NEDD4: variants seen among roughly 807,000 people sequenced by gnomAD.
NEDD4 encodes E3 ubiquitin-protein ligase NEDD4.
Under a neutral mutation model 144.9 loss-of-function variants are expected in NEDD4, and 99 were observed. The ratio of observed to expected loss-of-function variants is 0.68; its 90% CI spans 0.58 to 0.81. The LOEUF is 0.81. Ranked by LOEUF, NEDD4 falls within the 30% of genes least tolerant of loss-of-function variation. The probability of loss-of-function intolerance (pLI) is 0.00; values close to 1 mark genes in which losing one functional copy is unlikely to be tolerated. For missense variants in NEDD4, 985 were observed against 1,065.9 expected (o/e 0.92, Z 1.06); for synonymous variants, 318 against 350.6 (o/e 0.91, Z 1.04).
chr15:55,947,285 A>G (rs2037134038), intron 4 of NEDD4, among the ~76,000 whole-genome samples: 1 of 152,148 alleles, frequency 6.6e-6, no homozygotes, highest in African/African-American at 2.4e-5. Flanking sequence ...AAGAAAAGAG[A>G]GAAGAATCAA....
chr15:55,864,816 T>A (rs2034530242), intron 8 of NEDD4, among the ~76,000 whole-genome samples: 2 of 152,014 alleles, frequency 1.3e-5, no homozygotes, highest in South Asian at 4.2e-4. Flanking sequence ...TAAAAACACA[T>A]TATAAATGAC....
intron 5 of NEDD4, among the ~76,000 whole-genome samples, chr15:55,894,134 G>A (rs987858569): frequency 1.3e-5 from 2 of 152,018 alleles, no homozygotes; most frequent in African/African-American, 4.8e-5. Context: ...TGATTTGCTC[G>A]GCCTCTAGCC....
chr15:55,834,683 T>C (rs1237703484), intron 24 of NEDD4, among the ~76,000 whole-genome samples: 1 of 152,120 alleles, frequency 6.6e-6, no homozygotes, highest in Non-Finnish European at 1.5e-5. Flanking sequence ...TCCCAGCTAC[T>C]GGGGAGGCTG....
intron 8 of NEDD4, among the ~76,000 whole-genome samples, chr15:55,864,260 A>G (rs1595765924): frequency 6.6e-6 from 1 of 152,330 alleles, no homozygotes; most frequent in East Asian, 1.9e-4. Flanking sequence ...AGGACACAAA[A>G]GAAGACCTAA....
At chr15:55,955,510 C>A (rs568623887) in intron 2 of NEDD4, among the ~76,000 whole-genome samples, 7 of 152,250 alleles carry the variant, frequency 4.6e-5, no homozygotes, top group South Asian at 4.1e-4. Flanking sequence ...CAGCATTCCA[C>A]TCTTTGATTC....
intron 4 of NEDD4, among the ~76,000 whole-genome samples, chr15:55,945,205 CA>C (rs1380870155): frequency 6.6e-6 from 1 of 152,098 alleles, no homozygotes; most frequent in East Asian, 1.9e-4. Flanking sequence ...TCGGTAAAAA[CA>C]AACTTCTCCA....
rs182393503 is a variant in NEDD4, at chr15:55,879,532, G to T, written c.292-5524C>A. Among the ~76,000 whole-genome samples the T allele has an allele frequency of 2.6e-3, 400 of 152,212 alleles. 2 individuals are homozygous for T. Among genetic ancestry groups the T allele is most frequent in the African/African-American group, 9.3e-3 (386 of 41,536 alleles). On this transcript the variant is annotated intron_variant, in intron 5 of 28. Transcript: ENST00000435532. Reference sequence around the variant, plus strand: ...AAATATTGGAATATTATACATTATGGGCAGTTATGGACTACTAAATATTTG... The same window carrying T: ...AAATATTGGAATATTATACATTATGTGCAGTTATGGACTACTAAATATTTG...
chr15:55,991,893 A>G (rs1305275579), intron 1 of NEDD4: 2 of 152,276 alleles, frequency 1.3e-5, no homozygotes, highest in Admixed American at 1.3e-4. Flanking sequence ...CTGATCATGT[A>G]CCAAGAGGGA....
intron 11 of NEDD4, among the ~76,000 whole-genome samples, chr15:55,859,964 A>G (rs1595760011): frequency 6.6e-6 from 1 of 152,336 alleles, no homozygotes; most frequent in East Asian, 1.9e-4. Context: ...GATTTGAGAT[A>G]CAAAATCATA....
intron 2 of NEDD4, among the ~76,000 whole-genome samples, chr15:55,952,914 TA>T (rs1263016572): frequency 1.3e-5 from 2 of 152,168 alleles, no homozygotes; most frequent in Admixed American, 6.5e-5. Context: ...TTTTTAATAA[TA>T]AAAACAAGAA....
At chr15:55,936,011 G>C (rs1261492894) in intron 4 of NEDD4, among the ~76,000 whole-genome samples, 1 of 151,702 alleles carries the variant, frequency 6.6e-6, no homozygotes, top group Non-Finnish European at 1.5e-5. Context: ...CTGCTGCAAT[G>C]ACCAACCTTC....
intron 5 of NEDD4, among the ~76,000 whole-genome samples, chr15:55,912,356 T>G (rs952934522): frequency 3.9e-5 from 6 of 152,146 alleles, no homozygotes; most frequent in Non-Finnish European, 1.5e-5. Flanking sequence ...TTGAAATAAT[T>G]AAGACATAAG....
intron 8 of NEDD4, among the ~76,000 whole-genome samples, chr15:55,864,386 T>C (rs2034511712): frequency 1.4e-5 from 2 of 147,654 alleles, no homozygotes. Context: ...GTATTATGAT[T>C]AAAAAAAAAA....
intron 27 of NEDD4, among the ~76,000 whole-genome samples, chr15:55,831,446 G>A (rs2032945968): frequency 6.6e-6 from 1 of 152,124 alleles, no homozygotes; most frequent in Non-Finnish European, 1.5e-5. Flanking sequence ...AGAGAAGAGA[G>A]GCCAGAGACG....
At chr15:55,943,281 G>T (rs965293082) in intron 4 of NEDD4, among the ~76,000 whole-genome samples, 1 of 152,182 alleles carries the variant, frequency 6.6e-6, no homozygotes, top group East Asian at 1.9e-4. Flanking sequence ...CCAGCTGCTG[G>T]AGCTGAATGT....
chr15:55,966,632 G>T, intron 1 of NEDD4, 86 bp from the exon 2 acceptor site: 3 of 553,292 alleles, frequency 5.4e-6, no homozygotes, highest in South Asian at 3.9e-5. Flanking sequence ...ATCAAATAAA[G>T]TAATTAGGAT....
At chr15:55,970,794 T>C (rs2037593981) in intron 1 of NEDD4, among the ~76,000 whole-genome samples, 1 of 152,180 alleles carries the variant, frequency 6.6e-6, no homozygotes, top group Admixed American at 6.5e-5. Flanking sequence ...TCTGAATACT[T>C]GGAAAGCCTT....
chr15:55,842,983 TGGTGGGA>T (rs2033582349), intron 18 of NEDD4, among the ~76,000 whole-genome samples: 1 of 152,222 alleles, frequency 6.6e-6, no homozygotes, highest in Non-Finnish European at 1.5e-5. Flanking sequence ...GGGAAGAACC[TGGTGGGA>T]GGTGATTGAA....
At chr15:55,939,665 T>C (rs2036960143) in intron 4 of NEDD4, among the ~76,000 whole-genome samples, 1 of 152,192 alleles carries the variant, frequency 6.6e-6, no homozygotes, top group Non-Finnish European at 1.5e-5. Flanking sequence ...AGGATGACTA[T>C]TACAAAAATT....
Sources: gnomAD v4.1 joint callset for allele counts (sites outside exome capture counted in the v4.1 genomes callset) on GRCh38, gnomAD v4.1.1 for gene constraint, MANE v1.5 for transcripts, NCBI Gene and HGNC (gene_info 2026-07-23, HGNC 2026-07-21) for gene names.